The following GLI3 variants were observed in gnomAD, a reference collection of about 807,000 sequenced individuals.
GLI3 encodes the protein transcription activator GLI3.
GLI3 carries 20 observed loss-of-function variants against 100.8 expected under a neutral mutation model. The ratio of observed to expected loss-of-function variants is 0.20; its 90% CI spans 0.14 to 0.29. GLI3 has a LOEUF of 0.29. Among genes scored for constraint, GLI3 ranks in the 10% least tolerant of loss-of-function variants. GLI3 has a pLI of 1.00. For synonymous variants in GLI3, 938 were observed against 860.5 expected (o/e 1.09, Z -1.58); for missense variants, 2,040 against 2,128.5 (o/e 0.96, Z 0.82).
intron 5 of GLI3, among the ~76,000 whole-genome samples, chr7:42,046,260 G>T (rs1784242834): frequency 6.6e-6 from 1 of 152,204 alleles, no homozygotes; most frequent in Admixed American, 6.5e-5. Flanking sequence ...GACTCATAGA[G>T]ATCTGGATTT....
rs191521586 is a variant in GLI3, at chr7:42,157,883, G to C, written c.125-9415C>G. 3.9e-4 allele frequency among the ~76,000 whole-genome samples: 59 copies of C among 152,190 alleles called. 1 individual carries two copies. Among genetic ancestry groups the C allele is most frequent in the Non-Finnish European group, 7.4e-5 (5 of 68,020 alleles). ...ACATAGCTAAGATACAGGAGGCTAG[G>C]TGTGCACATATTAATAACACCCCCC... is the stretch of plus-strand genomic sequence containing the variant. On this transcript the variant is annotated intron_variant, in intron 2 of 14. Coordinates refer to ENST00000395925, the MANE Select transcript of GLI3 (RefSeq NM_000168.6).
At chr7:42,149,956 C>A (rs554338082) in intron 2 of GLI3, 1 of 152,154 alleles carries the variant, frequency 6.6e-6, no homozygotes, top group Non-Finnish European at 1.5e-5. Flanking sequence ...TACCTAAAGC[C>A]AGCAGCAAGT....
intron 3 of GLI3, among the ~76,000 whole-genome samples, chr7:42,086,839 G>A (rs1049627175): frequency 6.6e-6 from 1 of 152,160 alleles, no homozygotes; most frequent in African/African-American, 2.4e-5. Context: ...CTTGCCCTCT[G>A]ACGGCCCTGT....
At chr7:42,191,920 G>C (rs1240965925) in intron 2 of GLI3, among the ~76,000 whole-genome samples, 2 of 151,854 alleles carry the variant, frequency 1.3e-5, no homozygotes, top group African/African-American at 2.4e-5. Context: ...TTACCATACT[G>C]CTCCCAATTA....
intron 3 of GLI3, among the ~76,000 whole-genome samples, chr7:42,098,164 T>C (rs1031190264): frequency 6.6e-6 from 1 of 151,932 alleles, no homozygotes; most frequent in African/African-American, 2.4e-5. Context: ...AGAAGAGTGC[T>C]CAGTGGCTGT....
intron 2 of GLI3, among the ~76,000 whole-genome samples, chr7:42,189,301 C>A (rs2108368): frequency 6.6e-6 from 1 of 152,060 alleles, no homozygotes; most frequent in Non-Finnish European, 1.5e-5. Context: ...AGAGAACATG[C>A]AACGTACAAA....
At chr7:42,088,739 T>C (rs932235503) in intron 3 of GLI3, among the ~76,000 whole-genome samples, 11 of 152,326 alleles carry the variant, frequency 7.2e-5, no homozygotes, top group Non-Finnish European at 7.4e-5. Flanking sequence ...GATGATAGGC[T>C]TGGGGGTGTC....
intron 1 of GLI3, among the ~76,000 whole-genome samples, chr7:42,234,196 A>G (rs936361150): frequency 1.3e-5 from 2 of 151,844 alleles, no homozygotes; most frequent in Non-Finnish European, 3.0e-5. Context: ...TTTTCTTAGT[A>G]CATTACTGTC....
At chr7:42,004,786 G>C (rs1318188065) in intron 10 of GLI3, among the ~76,000 whole-genome samples, 4 of 152,124 alleles carry the variant, frequency 2.6e-5, no homozygotes, top group Non-Finnish European at 4.4e-5. Flanking sequence ...CAGGAAACTG[G>C]ATTTTAGAGA....
chr7:42,046,352 A>G (rs1412511280), intron 5 of GLI3, among the ~76,000 whole-genome samples: 3 of 152,206 alleles, frequency 2.0e-5, no homozygotes, highest in Non-Finnish European at 2.9e-5. Context: ...AATCAATAAA[A>G]GTTTTACGAT....
At chr7:41,988,504 A>G (rs1787893993) in intron 10 of GLI3, among the ~76,000 whole-genome samples, 1 of 146,290 alleles carries the variant, frequency 6.8e-6, no homozygotes, top group Non-Finnish European at 1.5e-5. Context: ...TAAGGAGGTG[A>G]TTAAGAGGGC....
At chr7:42,091,611 C>A (rs1450945606) in intron 3 of GLI3, among the ~76,000 whole-genome samples, 13 of 152,216 alleles carry the variant, frequency 8.5e-5, no homozygotes, top group African/African-American at 3.1e-4. Flanking sequence ...CAGCAGAAGT[C>A]CCTCTACACA....
intron 10 of GLI3, among the ~76,000 whole-genome samples, chr7:41,986,016 A>G (rs922484312): frequency 2.6e-5 from 4 of 152,178 alleles, no homozygotes; most frequent in African/African-American, 4.8e-5. Flanking sequence ...TTCAATTCAA[A>G]CTGGTTAATA....
intron 1 of GLI3, among the ~76,000 whole-genome samples, chr7:42,247,308 C>A (rs866846993): frequency 6.6e-6 from 1 of 152,280 alleles, no homozygotes; most frequent in South Asian, 2.1e-4. Context: ...CTTCTTCCAG[C>A]CCCCAGTTGT....
rs188203828 is a variant in GLI3, at chr7:42,156,164, C to T, written c.125-7696G>A. Among the ~76,000 whole-genome samples the T allele has an allele frequency of 2.0e-3, 310 of 152,304 alleles. 1 individual carries two copies. The highest frequency in any genetic ancestry group is 7.1e-3 in the African/African-American group (295 of 41,576). On this transcript the variant is annotated intron_variant, in intron 2 of 14. Coordinates refer to ENST00000395925, the MANE Select transcript of GLI3 (RefSeq NM_000168.6). ...GCACTTGAGAACAGGAAAATATAAA[C>T]AAAACAGTACCCTTGAGGGCCCCAG...
At chr7:42,170,159 C>T (rs749003897) in intron 2 of GLI3, among the ~76,000 whole-genome samples, 19 of 148,900 alleles carry the variant, frequency 1.3e-4, no homozygotes, top group South Asian at 2.1e-4. Flanking sequence ...GGCTGAGGCA[C>T]GAGAATCAGT....
intron 1 of GLI3, among the ~76,000 whole-genome samples, chr7:42,249,578 T>C (rs1432283947): frequency 6.6e-6 from 1 of 152,172 alleles, no homozygotes; most frequent in Non-Finnish European, 1.5e-5. Flanking sequence ...CTTTTCTATC[T>C]TCATTTGTCC....
At chr7:42,227,877 G>A (rs147248650) in intron 1 of GLI3, among the ~76,000 whole-genome samples, 2 of 152,284 alleles carry the variant, frequency 1.3e-5, no homozygotes, top group African/African-American at 4.8e-5. Flanking sequence ...CATTACAAAG[G>A]CGAGTCCCCA....
In GLI3 at chr7:41,966,005, C is replaced by T. The variant is rs1266274364; in HGVS notation, c.3068G>A (p.Arg1023His). 1.2e-6 allele frequency: 2 copies of T among 1,600,506 alleles called. No individual in the cohort carries two copies. The highest frequency in any genetic ancestry group is 1.3e-5 in the African/African-American group (1 of 74,866). ...SEGLALPRVP[R>H]FSSLSSCNPP... ...GTTGCAGCTGCTGAGGCTGCTGAAG[C>T]GCGGCACACGAGGCAGGGCCAGGCC... Residue 1023 changes from arginine (R) to histidine (H), a missense_variant, in exon 15 of 15, where the codon CGC (arginine) becomes CAC (histidine). Around this residue, in one of 5 missense-constraint regions of GLI3, gnomAD observed 1,041 missense variants for 924.0 expected, o/e 1.13. Transcript: ENST00000395925. The surrounding 1 kb of genome is among the most constrained non-coding windows in gnomAD (Gnocchi z 5.8).
Sources: gnomAD v4.1 joint callset for allele counts (sites outside exome capture counted in the v4.1 genomes callset) on GRCh38, gnomAD v4.1.1 for gene constraint, gnomAD v4.1.1 regional missense constraint, Gnocchi (gnomAD v3.1) non-coding constraint, MANE v1.5 for transcripts, NCBI Gene and HGNC (gene_info 2026-07-23, HGNC 2026-07-21) for gene names.